PSD4: variants seen among roughly 807,000 people sequenced by gnomAD.
The protein encoded by PSD4 is pleckstrin and Sec7 domain containing 4.
In PSD4, 59 loss-of-function variants were observed where a neutral mutation model predicts 112.5. The ratio of observed to expected loss-of-function variants is 0.52; its 90% CI spans 0.43 to 0.65. The LOEUF is 0.65. PSD4 is among the 30% of genes least tolerant of loss of function. The probability of loss-of-function intolerance (pLI) is 0.00; values close to 1 mark genes in which losing one functional copy is unlikely to be tolerated. For missense variants in PSD4, 1,267 were observed against 1,352.6 expected (o/e 0.94, Z 0.99); for synonymous variants, 533 against 540.0 (o/e 0.99, Z 0.18).
Position 113,197,881 on chromosome 2 carries a change from G to A in PSD4, c.2592G>A (p.Thr864=), listed in dbSNP as rs777277042. ...AGCCGCACGTCTTCCAGCTGCGCAC[G>A]GCTGACTGGCGCCTCTACCTCTTCC... ...TKKPHVFQLR[T]ADWRLYLFQA... The change falls in exon 14 of 17, where the codon ACG becomes ACA. Residue 864 remains threonine (T), a synonymous_variant. Transcript: ENST00000245796. The A allele has an allele frequency of 1.3e-5, 20 of 1,598,630 alleles. No homozygotes were observed. Among genetic ancestry groups the A allele is most frequent in the Admixed American group, 1.7e-5 (1 of 59,512 alleles).
At chr2:113,186,595 G>A (rs1213840094) in intron 5 of PSD4, among the ~76,000 whole-genome samples, 1 of 152,174 alleles carries the variant, frequency 6.6e-6, no homozygotes, top group Non-Finnish European at 1.5e-5. Flanking sequence ...CCAGAAAAAC[G>A]GGAGCCATGC....
intron 10 of PSD4, among the ~76,000 whole-genome samples, chr2:113,194,802 C>T (rs1189073078): frequency 6.6e-6 from 1 of 152,206 alleles, no homozygotes; most frequent in African/African-American, 2.4e-5. Flanking sequence ...TCCATCACAA[C>T]CTTACAGGAC....
At chr2:113,196,092 C>A in intron 11 of PSD4, 55 bp from the exon 12 acceptor site, 1 of 1,570,248 alleles carries the variant, frequency 6.4e-7, no homozygotes. Flanking sequence ...GCAATGGATA[C>A]CTCCCAGTTC....
In PSD4 at chr2:113,207,467, T is replaced by TTTC. The variant is rs1384643264; in HGVS notation, c.*6054_*6055insCTT. 1.4e-5 allele frequency: 2 copies of TTTC among 143,696 alleles called. No homozygotes were observed. The highest frequency in any genetic ancestry group is 5.2e-5 in the African/African-American group (2 of 38,364). 8.9% of individuals were successfully genotyped at this position (143,696 alleles called of 1,614,324 possible). A position where few individuals can be genotyped will look rare whatever the true frequency, so the allele number is the denominator to read the frequency against. Reference sequence around the variant, plus strand: ...CTCTCTCCTCTTCTTTTTTTTTTTTTTTTTTTTGAGATGGAGTCTTGCTCG... The same window carrying TTTC: ...CTCTCTCCTCTTCTTTTTTTTTTTTTTTCTTTTTTTGAGATGGAGTCTTGCTCG... On this transcript the variant is annotated 3_prime_UTR_variant, in exon 17 of 17. Coordinates refer to ENST00000245796, the MANE Select transcript of PSD4 (RefSeq NM_012455.3).
rs1407873635 is a variant in PSD4 at position 113,209,224 on chromosome 2, G to A, written c.*7809G>A. The A allele has an allele frequency of 5.3e-5, 8 of 152,114 alleles. No homozygotes were observed. Among genetic ancestry groups the A allele is most frequent in the Admixed American group, 4.6e-4 (7 of 15,262 alleles). 9.4% of individuals were successfully genotyped at this position (152,114 alleles called of 1,614,324 possible). A position where few individuals can be genotyped will look rare whatever the true frequency, so the allele number is the denominator to read the frequency against. ...CCAATTCCGGATCAACTTTACAGCC[G>A]CCTACGGCCTGCTATACCACCCATG... is the stretch of plus-strand genomic sequence containing the variant. On this transcript the variant is annotated 3_prime_UTR_variant, in exon 17 of 17. Coordinates refer to ENST00000245796, the MANE Select transcript of PSD4 (RefSeq NM_012455.3).
chr2:113,192,955 C>T (rs540397467), intron 6 of PSD4, 93 bp from the exon 7 acceptor site: 61 of 1,259,082 alleles, frequency 4.8e-5, no homozygotes, highest in Middle Eastern at 2.2e-4. Context: ...TCACCCCCAC[C>T]GCATAATGTG....
rs1298456095 is a variant in PSD4, at chr2:113,182,380, G to A, written c.-77G>A. ...GGATTCCCAGTTTCTCCAGCGGCCAGTGCTCCCCCTAGTCCACACAGTGAG... is the reference window on the plus strand; with the variant it reads ...GGATTCCCAGTTTCTCCAGCGGCCAATGCTCCCCCTAGTCCACACAGTGAG... On this transcript the variant is annotated 5_prime_UTR_variant, in exon 2 of 17. It adds an upstream start codon to the 5' untranslated region. Transcript: ENST00000245796. The A allele has an allele frequency of 1.2e-5, 17 of 1,362,780 alleles. No homozygotes were observed. Among genetic ancestry groups the A allele is most frequent in the Non-Finnish European group, 1.5e-5 (15 of 992,920 alleles). 84.4% of individuals were successfully genotyped at this position (1,362,780 alleles called of 1,614,324 possible). A position where few individuals can be genotyped will look rare whatever the true frequency, so the allele number is the denominator to read the frequency against.
chr2:113,184,893 G>C, intron 2 of PSD4, 64 bp from the exon 3 acceptor site: 1 of 1,601,462 alleles, frequency 6.2e-7, no homozygotes, highest in South Asian at 1.1e-5. Context: ...AAGGCCCTGG[G>C]AGCAATTTTC....
intron 11 of PSD4, 23 bp downstream of exon 11, chr2:113,195,793 T>A (rs369182107): frequency 1.2e-6 from 2 of 1,613,794 alleles, no homozygotes; most frequent in East Asian, 2.2e-5. Context: ...CCCTTTCCCC[T>A]CTCCCTCTCA....
chr2:113,192,952 C>G, intron 6 of PSD4, 96 bp from the exon 7 acceptor site: 2 of 1,222,976 alleles, frequency 1.6e-6, no homozygotes, highest in Non-Finnish European at 2.3e-6. Flanking sequence ...TGCTCACCCC[C>G]ACCGCATAAT....
Position 113,185,393 on chromosome 2 carries a change from G to A in PSD4, c.1202G>A (p.Arg401Lys), listed in dbSNP as rs1238813098. Residue 401 changes from arginine (R) to lysine (K), a missense_variant, in exon 4 of 17, where the codon AGA (arginine) becomes AAA (lysine). Arg to Lys is a conservative substitution (Grantham distance 26). Transcript: ENST00000245796. The part of the protein sequence containing the change: ...WASLSPEGWQ[R>K]GGPFWPQVTL... ...TCTCTCAGCCCTGAGGGCTGGCAGA[G>A]AGGAGGTCCTTTTTGGCCCCAGGTG... The A allele has an allele frequency of 1.9e-6, 3 of 1,614,070 alleles. No individual in the cohort carries two copies. The highest frequency in any genetic ancestry group is 1.7e-6 in the Non-Finnish European group (2 of 1,180,040).
At chr2:113,177,569 G>T (rs933396689) in intron 1 of PSD4, among the ~76,000 whole-genome samples, 10 of 152,148 alleles carry the variant, frequency 6.6e-5, no homozygotes, top group African/African-American at 2.2e-4. Flanking sequence ...TCACAGGGGG[G>T]CCTGAACCTC....
chr2:113,201,198 G>T lies in PSD4; in HGVS notation c.2954G>T (p.Arg985Leu). ...ACCTACGTGCAGCTGCTGGTGGCCC[G>T]CCTGCACTGCCCCTCTGATGCTCTG... ...YETYVQLLVA[R>L]LHCPSDALDL... The change falls in exon 17 of 17, where the codon CGC becomes CTC. Residue 985 changes from arginine to leucine, a missense_variant. Coordinates refer to ENST00000245796, the MANE Select transcript of PSD4 (RefSeq NM_012455.3). 1 of 1,613,854 alleles carries T rather than the reference G, an allele frequency of 6.2e-7. No individual in the cohort carries two copies. The highest frequency in any genetic ancestry group is 8.5e-7 in the Non-Finnish European group (1 of 1,179,826).
In PSD4 at chr2:113,192,367, T is replaced by C. The variant is rs778464515; in HGVS notation, c.1629-13T>C. On this transcript the variant is annotated splice_polypyrimidine_tract_variant and intron_variant, in intron 5 of 16. Coordinates refer to ENST00000245796, the MANE Select transcript of PSD4 (RefSeq NM_012455.3). ...GAACACTTGACCCAGAGCTCCTGCA[T>C]GTCTATCTCAAGTGAGAATCTGAGG... 6.2e-7 allele frequency: 1 copy of C among 1,612,812 alleles called. No individual in the cohort carries two copies. The highest frequency in any genetic ancestry group is 1.1e-5 in the South Asian group (1 of 91,048).
At chr2:113,192,713 T>A (rs1688484103) in intron 6 of PSD4, 124 bp downstream of exon 6, 1 of 986,598 alleles carries the variant, frequency 1.0e-6, no homozygotes, top group Non-Finnish European at 1.5e-6. Context: ...CCATCTCCCC[T>A]CCTAACTTTT....
chr2:113,175,719 C>A (rs1038344864), intron 1 of PSD4, among the ~76,000 whole-genome samples: 15 of 152,176 alleles, frequency 9.9e-5, no homozygotes, highest in African/African-American at 3.1e-4. Flanking sequence ...AGGCACCCTC[C>A]GGATGAAGGT....
chr2:113,201,173 AC>A lies in PSD4; in HGVS notation c.2931del (p.Tyr978ThrfsTer37). On this transcript the variant is annotated frameshift_variant, in exon 17 of 17. Coordinates refer to ENST00000245796, the MANE Select transcript of PSD4 (RefSeq NM_012455.3). LOFTEE classifies it high-confidence loss of function. ...TGTGTTGCAGAAAACCCGCTACGAGACCTACGTGCAGCTGCTGGTGGCCCGC... is the reference window on the plus strand; with the variant it reads ...TGTGTTGCAGAAAACCCGCTACGAGACTACGTGCAGCTGCTGGTGGCCCGC... ...YLEYEKTRYE[T>X]YVQLLVARLH... 1 of 1,611,862 alleles carries A rather than the reference AC, an allele frequency of 6.2e-7. No homozygotes were observed. Among genetic ancestry groups the A allele is most frequent in the Non-Finnish European group, 8.5e-7 (1 of 1,178,356 alleles).
chr2:113,176,158 C>T (rs930014755), intron 1 of PSD4, among the ~76,000 whole-genome samples: 9 of 152,204 alleles, frequency 5.9e-5, no homozygotes, highest in South Asian at 2.1e-4. Flanking sequence ...CCGGTCTCCC[C>T]GTTCTTCAGC....
chr2:113,174,316 C>T lies in PSD4; in HGVS notation c.-112+262C>T, dbSNP rs374938308. 2.4e-4 allele frequency among the ~76,000 whole-genome samples: 36 copies of T among 152,272 alleles called. No homozygotes were observed. The East Asian group carries it at 6.2e-3, about 26-fold the overall frequency. ...ACCCTTCTCTGATTCCCTGCCCTGG[C>T]CCCACGGACCTCTGTTGTTTCCCTT... On this transcript the variant is annotated intron_variant, in intron 1 of 16. Coordinates refer to ENST00000245796, the MANE Select transcript of PSD4 (RefSeq NM_012455.3).
Sources: gnomAD v4.1 joint callset for allele counts (sites outside exome capture counted in the v4.1 genomes callset) on GRCh38, gnomAD v4.1.1 for gene constraint, MANE v1.5 for transcripts, NCBI Gene and HGNC (gene_info 2026-07-23, HGNC 2026-07-21) for gene names.